ANKRD44: variants seen among roughly 807,000 people sequenced by gnomAD.
ANKRD44 encodes serine/threonine-protein phosphatase 6 regulatory ankyrin repeat subunit B.
ANKRD44 carries 35 observed loss-of-function variants against 116.0 expected under a neutral mutation model. The ratio of observed to expected loss-of-function variants is 0.30; its 90% confidence interval spans 0.23 to 0.40. The LOEUF is 0.40. Among genes scored for constraint, ANKRD44 ranks in the 10% least tolerant of loss-of-function variants. ANKRD44 has a pLI of 1.00. For missense variants in ANKRD44, 1,014 were observed against 1,242.6 expected (o/e 0.82, Z 2.77); for synonymous variants, 435 against 461.8 (o/e 0.94, Z 0.74).
In ANKRD44 at chr2:197,279,078, C is replaced by T. The variant is rs144712453; in HGVS notation, c.27+31500G>A. On this transcript the variant is annotated intron_variant, in intron 1 of 27. Transcript: ENST00000282272. ...CAGGCTGGATAATATTTCATAACCA[C>T]ATGATTGCAGGGCTAAGCTTAGCAG... Among the ~76,000 whole-genome samples the T allele has an allele frequency of 4.6e-3, 707 of 152,308 alleles. 8 individuals are homozygous for T. Among genetic ancestry groups the T allele is most frequent in the African/African-American group, 0.016 (663 of 41,572 alleles).
chr2:197,261,333 G>A (rs2082597760), intron 1 of ANKRD44, among the ~76,000 whole-genome samples: 1 of 151,762 alleles, frequency 6.6e-6, no homozygotes, highest in Admixed American at 6.6e-5. Flanking sequence ...ATTAAACAGG[G>A]AATCCTTTCC....
chr2:197,173,828 T>C (rs1314290294), intron 2 of ANKRD44, among the ~76,000 whole-genome samples: 1 of 151,428 alleles, frequency 6.6e-6, no homozygotes, highest in South Asian at 2.1e-4. Flanking sequence ...AGGTCAGGAG[T>C]TCAAGACCAG....
chr2:197,188,346 G>A (rs1022513518), intron 1 of ANKRD44, among the ~76,000 whole-genome samples: 1 of 152,206 alleles, frequency 6.6e-6, no homozygotes, highest in East Asian at 1.9e-4. Flanking sequence ...AATATGATTT[G>A]CTGACAGGGA....
chr2:197,089,898 G>T, intron 11 of ANKRD44, 52 bp downstream of exon 11: 2 of 1,511,678 alleles, frequency 1.3e-6, no homozygotes, highest in South Asian at 1.1e-5. Flanking sequence ...TGAAGCCATT[G>T]ACTCATGTAC....
intron 2 of ANKRD44, 22 bp from the exon 3 acceptor site, chr2:197,147,127 A>G: frequency 1.2e-6 from 2 of 1,611,050 alleles, no homozygotes; most frequent in Non-Finnish European, 1.7e-6. Flanking sequence ...AACGTCAAAG[A>G]CATACAACAG....
intron 21 of ANKRD44, among the ~76,000 whole-genome samples, chr2:196,968,446 C>A (rs1008074931): frequency 6.6e-6 from 1 of 152,158 alleles, no homozygotes; most frequent in African/African-American, 2.4e-5. Context: ...CAGTGACTAC[C>A]AGTATTGTTC....
chr2:197,227,392 G>A (rs1247694657), intron 1 of ANKRD44, among the ~76,000 whole-genome samples: 1 of 152,202 alleles, frequency 6.6e-6, no homozygotes, highest in East Asian at 1.9e-4. Context: ...AGTATTGGGT[G>A]TCCCATTGCA....
At chr2:197,101,657 T>A (rs1299374714) in intron 9 of ANKRD44, among the ~76,000 whole-genome samples, 1 of 152,208 alleles carries the variant, frequency 6.6e-6, no homozygotes, top group Non-Finnish European at 1.5e-5. Context: ...GTCAGTACAC[T>A]TACTGCAAAA....
intron 1 of ANKRD44, among the ~76,000 whole-genome samples, chr2:197,287,168 G>A (rs1030842165): frequency 6.6e-6 from 1 of 152,198 alleles, no homozygotes; most frequent in African/African-American, 2.4e-5. Context: ...GACAGTGGGA[G>A]AGGCTGGTTG....
At position 197,111,871 on chromosome 2, in the gene ANKRD44, T is replaced by C. The variant is rs182329684; in HGVS notation, c.907-1027A>G. 2.9e-4 allele frequency among the ~76,000 whole-genome samples: 44 copies of C among 152,302 alleles called. 1 individual carries two copies. The East Asian group carries it at 8.1e-3, about 28-fold the overall frequency. On this transcript the variant is annotated intron_variant, in intron 8 of 27. Coordinates refer to ENST00000282272, the MANE Select transcript of ANKRD44 (RefSeq NM_001195144.2). ...CATTAGAAGTCACAGGACTAAGGCA[T>C]GCAACTGTTTAGGAAACTGCCTTTT...
At chr2:197,015,480 A>G in intron 17 of ANKRD44, 1 of 481,834 alleles carries the variant, frequency 2.1e-6, no homozygotes, top group Non-Finnish European at 3.8e-6. Flanking sequence ...TGGAAGTGAA[A>G]GAGACCCATT....
intron 1 of ANKRD44, among the ~76,000 whole-genome samples, chr2:197,298,519 T>C (rs2083792816): frequency 6.6e-6 from 1 of 152,168 alleles, no homozygotes; most frequent in African/African-American, 2.4e-5. Flanking sequence ...CTGAAGGCAT[T>C]CTATCAAGCG....
chr2:197,026,432 C>T (rs1429889933), intron 16 of ANKRD44, among the ~76,000 whole-genome samples: 1 of 152,092 alleles, frequency 6.6e-6, no homozygotes, highest in African/African-American at 2.4e-5. Flanking sequence ...GTAAAGTCTC[C>T]AGGGAGATGA....
At chr2:197,309,482 G>T (rs1388933132) in intron 1 of ANKRD44, among the ~76,000 whole-genome samples, 1 of 152,198 alleles carries the variant, frequency 6.6e-6, no homozygotes, top group African/African-American at 2.4e-5. Flanking sequence ...GTGACGGACT[G>T]CACTTCAGTT....
chr2:197,136,318 T>C (rs1040565437), intron 4 of ANKRD44: 28 of 472,968 alleles, frequency 5.9e-5, no homozygotes, highest in Non-Finnish European at 1.5e-5. Flanking sequence ...ATTGTAATGA[T>C]ATGCTTTCTG....
intron 21 of ANKRD44, among the ~76,000 whole-genome samples, chr2:197,004,928 A>G (rs937346349): frequency 6.6e-6 from 1 of 152,190 alleles, no homozygotes; most frequent in Non-Finnish European, 1.5e-5. Context: ...CAACCATTAT[A>G]AGATCAATCC....
intron 8 of ANKRD44, 107 bp from the exon 9 acceptor site, chr2:197,110,951 T>C (rs576048850): frequency 2.6e-6 from 2 of 754,984 alleles, no homozygotes; most frequent in Non-Finnish European, 4.7e-6. Flanking sequence ...AAAACATTCA[T>C]TTATTTATTT....
intron 9 of ANKRD44, among the ~76,000 whole-genome samples, chr2:197,104,123 C>T (rs770792206): frequency 6.6e-6 from 1 of 151,844 alleles, no homozygotes; most frequent in Non-Finnish European, 1.5e-5. Context: ...CCTTTAGTAA[C>T]TTTTTTCTTT....
At chr2:197,136,796 T>C in intron 3 of ANKRD44, 134 bp from the exon 4 acceptor site, 1 of 726,884 alleles carries the variant, frequency 1.4e-6, no homozygotes, top group South Asian at 1.7e-5. Context: ...ATTAGTCATG[T>C]GCTGACAAGA....
Sources: allele counts gnomAD v4.1 joint callset (sites outside exome capture counted in the v4.1 genomes callset), GRCh38; gene constraint gnomAD v4.1.1; transcripts MANE v1.5; gene names NCBI Gene and HGNC (gene_info 2026-07-23, HGNC 2026-07-21).